NMU: variants seen among roughly 807,000 people sequenced by gnomAD.
NMU encodes the protein neuromedin U.
A neutral mutation model predicts 35.4 loss-of-function variants in NMU; 29 were observed. The observed-to-expected ratio is 0.82, with a 90% CI of 0.61 to 1.12. The LOEUF is 1.12. Among genes scored for constraint, NMU ranks in the 50% most tolerant of loss-of-function variants. The pLI, the probability that NMU is intolerant of heterozygous loss-of-function variation, is 0.00. For missense variants in NMU, 199 were observed against 206.2 expected (o/e 0.97, Z 0.21); for synonymous variants, 78 against 81.3 (o/e 0.96, Z 0.22).
intron 7 of NMU, among the ~76,000 whole-genome samples, chr4:55,601,648 T>A (rs1733430723): frequency 6.6e-6 from 1 of 151,982 alleles, no homozygotes; most frequent in African/African-American, 2.4e-5. Flanking sequence ...TTTCAAAATT[T>A]AAAAAAATGT....
intron 7 of NMU, 27 bp downstream of exon 7, chr4:55,605,248 A>G (rs979039533): frequency 2.6e-6 from 4 of 1,526,394 alleles, no homozygotes; most frequent in Non-Finnish European, 3.6e-6. Flanking sequence ...GGAATGGCAA[A>G]GCCAGCATGC....
At chr4:55,610,670 A>G (rs1733896428) in intron 3 of NMU, among the ~76,000 whole-genome samples, 1 of 152,138 alleles carries the variant, frequency 6.6e-6, no homozygotes, top group South Asian at 2.1e-4. Flanking sequence ...TTGTCATGCA[A>G]ATTCTTGGGA....
intron 2 of NMU, among the ~76,000 whole-genome samples, chr4:55,617,002 T>G (rs747532472): frequency 1.3e-5 from 2 of 152,216 alleles, no homozygotes; most frequent in African/African-American, 4.8e-5. Context: ...GAGACTTATA[T>G]TAATCATAAA....
chr4:55,629,015 A>T (rs770661109), intron 2 of NMU, among the ~76,000 whole-genome samples: 5 of 152,168 alleles, frequency 3.3e-5, no homozygotes, highest in Non-Finnish European at 7.4e-5. Flanking sequence ...TTGTTAAACA[A>T]ATTTTGTAAT....
intron 1 of NMU, among the ~76,000 whole-genome samples, chr4:55,631,082 G>A (rs1734735501): frequency 6.6e-6 from 1 of 152,042 alleles, no homozygotes; most frequent in Non-Finnish European, 1.5e-5. Flanking sequence ...TTGGAGAAAG[G>A]ACACCCTATT....
At chr4:55,598,726 T>C (rs189907296) in intron 9 of NMU, among the ~76,000 whole-genome samples, 7 of 152,362 alleles carry the variant, frequency 4.6e-5, no homozygotes, top group Admixed American at 2.0e-4. Flanking sequence ...GTTATTTAGA[T>C]GACAGAAGTA....
At chr4:55,632,425 C>T (rs1310736486) in intron 1 of NMU, among the ~76,000 whole-genome samples, 1 of 151,892 alleles carries the variant, frequency 6.6e-6, no homozygotes, top group Non-Finnish European at 1.5e-5. Context: ...TTAGAAATAA[C>T]TTATAAAGGT....
chr4:55,618,721 C>G (rs11940643), intron 2 of NMU, among the ~76,000 whole-genome samples: 6 of 143,894 alleles, frequency 4.2e-5, no homozygotes, highest in Admixed American at 3.6e-4. Flanking sequence ...TCTTTCTTCT[C>G]TCTTTCTTCT....
chr4:55,607,264 T>C (rs1287009531), intron 6 of NMU, 34 bp downstream of exon 6: 31 of 1,469,520 alleles, frequency 2.1e-5, no homozygotes, highest in Non-Finnish European at 2.7e-5. Context: ...TAAACAAATA[T>C]TAGTGATTAC....
At chr4:55,615,975 C>T (rs1021791834) in intron 3 of NMU, among the ~76,000 whole-genome samples, 1 of 152,072 alleles carries the variant, frequency 6.6e-6, no homozygotes, top group African/African-American at 2.4e-5. Flanking sequence ...TCTTGAACTC[C>T]CAGCCTCAAG....
intron 2 of NMU, 37 bp downstream of exon 2, chr4:55,630,365 A>C: frequency 6.7e-7 from 1 of 1,481,724 alleles, no homozygotes; most frequent in Non-Finnish European, 9.4e-7. Context: ...AAAGAAGGGT[A>C]AAGTTTCTAC....
chr4:55,635,674 T>G lies in NMU; in HGVS notation c.112+407A>C, dbSNP rs116523157. 8.9e-3 allele frequency among the ~76,000 whole-genome samples: 1,361 copies of G among 152,368 alleles called. 24 individuals carry two copies. Among genetic ancestry groups the G allele is most frequent in the African/African-American group, 0.032 (1,313 of 41,576 alleles). ...TGAAGTATCAAACTCACTCTTGTTT[T>G]GCTTCAACCATCAATCTCTCCAATA... is the stretch of plus-strand genomic sequence containing the variant. On this transcript the variant is annotated intron_variant, in intron 1 of 9. Coordinates refer to ENST00000264218, the MANE Select transcript of NMU (RefSeq NM_006681.4).
At chr4:55,615,335 G>A (rs1734072644) in intron 3 of NMU, among the ~76,000 whole-genome samples, 1 of 152,206 alleles carries the variant, frequency 6.6e-6, no homozygotes, top group Non-Finnish European at 1.5e-5. Flanking sequence ...CAGTGTTCTT[G>A]CTCTGGTCAG....
intron 9 of NMU, among the ~76,000 whole-genome samples, chr4:55,595,948 T>A (rs1733164731): frequency 6.6e-6 from 1 of 152,092 alleles, no homozygotes; most frequent in Admixed American, 6.6e-5. Context: ...CCTGTCTGTA[T>A]ATTTTTAACT....
At chr4:55,611,959 C>G (rs896518340) in intron 3 of NMU, among the ~76,000 whole-genome samples, 1 of 152,170 alleles carries the variant, frequency 6.6e-6, no homozygotes, top group Non-Finnish European at 1.5e-5. Context: ...CTGTCACTTG[C>G]CCAATACCAC....
upstream of NMU, chr4:55,636,392 C>A: frequency 3.9e-6 from 3 of 770,866 alleles, no homozygotes; most frequent in South Asian, 3.1e-5. The surrounding 1 kb of genome is among the most constrained non-coding windows in gnomAD (Gnocchi z 4.0). Context: ...CCTGCCGCCC[C>A]CGGCCTACCT....
Position 55,616,248 on chromosome 4 carries a change from G to A in NMU, c.219+90C>T, listed in dbSNP as rs935804401. On this transcript the variant is annotated intron_variant, in intron 3 of 9. Coordinates refer to ENST00000264218, the MANE Select transcript of NMU (RefSeq NM_006681.4). Reference sequence around the variant, plus strand: ...ATCTCACACGTTGACATGTTTTCACGAACACATAAAGGTTCCAAAGGCAGC... The same window carrying A: ...ATCTCACACGTTGACATGTTTTCACAAACACATAAAGGTTCCAAAGGCAGC... 3.8e-5 allele frequency: 33 copies of A among 879,272 alleles called. No homozygotes were observed. In the East Asian group the frequency reaches 6.3e-4, roughly 17 times the overall value. The allele number at this position is 879,272 out of a possible 1,614,324, so 54.5% of individuals were successfully genotyped here.
In NMU at chr4:55,630,396, C is replaced by T. The variant is rs2110212918; in HGVS notation, c.171+6G>A. 4 of 1,603,984 alleles carry T rather than the reference C, an allele frequency of 2.5e-6. No homozygotes were observed. Among genetic ancestry groups the T allele is most frequent in the Non-Finnish European group, 3.4e-6 (4 of 1,171,102 alleles). ...TCTACAAATTTGTGTGATGATAGTT[C>T]CTTACCTCATTCCACAACTGTAGCT... On this transcript the variant is annotated splice_donor_region_variant and intron_variant, in intron 2 of 9. Coordinates refer to ENST00000264218, the MANE Select transcript of NMU (RefSeq NM_006681.4).
rs139766902 is a variant in NMU, at chr4:55,607,930, G to A, written c.280-464C>T. On this transcript the variant is annotated intron_variant, in intron 4 of 9. Transcript: ENST00000264218. ...TTGCGCCTGTAATCCCAGCACTTTG[G>A]GAGCCCGAGGTGGGCGGATCACAAG... Among the ~76,000 whole-genome samples, 1,367 of 152,178 alleles carry A rather than the reference G, an allele frequency of 9.0e-3. 27 individuals are homozygous for A. Among genetic ancestry groups the A allele is most frequent in the African/African-American group, 0.032 (1,317 of 41,520 alleles).
Sources: allele counts gnomAD v4.1 joint callset (sites outside exome capture counted in the v4.1 genomes callset), GRCh38; gene constraint gnomAD v4.1.1; non-coding constraint Gnocchi (gnomAD v3.1); transcripts MANE v1.5; gene names NCBI Gene and HGNC (gene_info 2026-07-23, HGNC 2026-07-21).